Variants in BRIP1 observed in about 807,000 individuals in gnomAD.
BRIP1 encodes Fanconi anemia group J protein.
Under a neutral mutation model 119.7 loss-of-function variants are expected in BRIP1, and 88 were observed. The observed-to-expected ratio is 0.74, with a 90% CI of 0.62 to 0.88. BRIP1 has a LOEUF of 0.88. Among genes scored for constraint, BRIP1 ranks in the 40% least tolerant of loss-of-function variants. The pLI is 0.00. For missense variants in BRIP1, 1,259 were observed against 1,455.4 expected (o/e 0.87, Z 2.20); for synonymous variants, 443 against 496.5 (o/e 0.89, Z 1.43).
At chr17:61,732,542 T>A (rs968964464) in intron 16 of BRIP1, among the ~76,000 whole-genome samples, 19 of 152,204 alleles carry the variant, frequency 1.2e-4, no homozygotes, top group African/African-American at 2.9e-4. Context: ...TCTTGTTATA[T>A]GTTCCTGTTC....
chr17:61,779,257 GT>G (rs1166172906), intron 13 of BRIP1, among the ~76,000 whole-genome samples: 1 of 152,142 alleles, frequency 6.6e-6, no homozygotes, highest in Admixed American at 6.5e-5. Context: ...AGGATACACT[GT>G]AGTCTAATGG....
intron 6 of BRIP1, among the ~76,000 whole-genome samples, chr17:61,830,135 C>T (rs1158481161): frequency 3.3e-5 from 5 of 151,542 alleles, no homozygotes; most frequent in South Asian, 2.1e-4. Flanking sequence ...GGTTTTGCCA[C>T]GTTGGCCAGC....
Position 61,776,807 on chromosome 17 carries a change from GTC to G in BRIP1, c.1936-247_1936-246del, listed in dbSNP as rs1382168628. Among the ~76,000 whole-genome samples the G allele has an allele frequency of 2.0e-5, 3 of 152,142 alleles. No homozygotes were observed. The highest frequency in any genetic ancestry group is 4.8e-5 in the African/African-American group (2 of 41,426). ...TTTGAAAGCAAAACAGGTTGTACCTGTCTCTGTTTACTTAATAGCTTTGCAAA... is the reference window on the plus strand; with the variant it reads ...TTTGAAAGCAAAACAGGTTGTACCTGTCTGTTTACTTAATAGCTTTGCAAA... On this transcript the variant is annotated intron_variant, in intron 13 of 19. Coordinates refer to ENST00000259008, the MANE Select transcript of BRIP1 (RefSeq NM_032043.3). The surrounding 1 kb of genome is among the most constrained non-coding windows in gnomAD (Gnocchi z 5.0).
rs1167254014 is a variant in BRIP1, at chr17:61,706,434, A to G, written c.2492+9517T>C. ...GCTTTGTAAATTTTAACTTTTATCAAAGAAACACGAACACATAGTTTTATG... is the reference window on the plus strand; with the variant it reads ...GCTTTGTAAATTTTAACTTTTATCAGAGAAACACGAACACATAGTTTTATG... On this transcript the variant is annotated intron_variant, in intron 17 of 19. Transcript: ENST00000259008. The surrounding 1 kb of genome is among the most constrained non-coding windows in gnomAD (Gnocchi z 5.7). Among the ~76,000 whole-genome samples, 1 of 152,160 alleles carries G rather than the reference A, an allele frequency of 6.6e-6. No homozygotes were observed. The highest frequency in any genetic ancestry group is 1.5e-5 in the Non-Finnish European group (1 of 68,010).
Position 61,861,930 on chromosome 17 carries a change from G to T in BRIP1, c.-30-361C>A, listed in dbSNP as rs2078979786. On this transcript the variant is annotated intron_variant, in intron 1 of 19. Transcript: ENST00000259008. The surrounding 1 kb of genome is among the most constrained non-coding windows in gnomAD (Gnocchi z 4.5). ...CATACCAGATTAAACATGAGCTCTT[G>T]TAACAGTTAGATCAGATGTAATCAA... The T allele has an allele frequency of 1.4e-5, 4 of 284,880 alleles. No homozygotes were observed. Among genetic ancestry groups the T allele is most frequent in the Admixed American group, 4.9e-5 (1 of 20,406 alleles). 17.6% of individuals were successfully genotyped at this position (284,880 alleles called of 1,614,324 possible).
rs1292490712 is a variant in BRIP1, at chr17:61,786,710, C to A, written c.1474-2286G>T. Among the ~76,000 whole-genome samples the A allele has an allele frequency of 4.3e-5, 6 of 139,716 alleles. No homozygotes were observed. The East Asian group carries it at 1.0e-3, about 23-fold the overall frequency. 91.7% of individuals were successfully genotyped at this position (139,716 alleles called of 152,430 possible). A position where few individuals can be genotyped will look rare whatever the true frequency, so the allele number is the denominator to read the frequency against. On this transcript the variant is annotated intron_variant, in intron 10 of 19. Coordinates refer to ENST00000259008, the MANE Select transcript of BRIP1 (RefSeq NM_032043.3). ...TATTGAGCTATAATTCACATGCTTA[C>A]AATTTACCTTTTTAAAGTGAGTTCT...
In BRIP1 at chr17:61,762,765, A is replaced by G. The variant is rs2144862774; in HGVS notation, c.2097+13636T>C. On this transcript the variant is annotated intron_variant, in intron 14 of 19. Transcript: ENST00000259008. This position sits in a 1 kb window ranked among gnomAD's most constrained non-coding sequence, Gnocchi z 4.3. ...TGTGGAGAAAAGGGAAGCCTTGGACACTGTTGGTAAGAATGTAAATTAGTA... is the reference window on the plus strand; with the variant it reads ...TGTGGAGAAAAGGGAAGCCTTGGACGCTGTTGGTAAGAATGTAAATTAGTA... Among the ~76,000 whole-genome samples, 1 of 152,304 alleles carries G rather than the reference A, an allele frequency of 6.6e-6. No homozygotes were observed. The highest frequency in any genetic ancestry group is 3.4e-3 in the Middle Eastern group (1 of 294).
intron 6 of BRIP1, among the ~76,000 whole-genome samples, chr17:61,838,191 A>C (rs2078602832): frequency 6.6e-6 from 1 of 152,182 alleles, no homozygotes; most frequent in Non-Finnish European, 1.5e-5. Context: ...TATTTAAAAA[A>C]TACTGTACTC....
Position 61,683,978 on chromosome 17 carries a change from A to G in BRIP1, c.3068T>C (p.Leu1023Pro), listed in dbSNP as rs747345595. The part of the protein sequence containing the change: ...TGKIPKATPE[L>P]GSSENSASSP... Reference sequence around the variant, plus strand: ...AGAGGCACTATTCTCTGATGACCCGAGCTCAGGTGTTGCCTTCGGTATTTT... The same window carrying G: ...AGAGGCACTATTCTCTGATGACCCGGGCTCAGGTGTTGCCTTCGGTATTTT... The change falls in exon 20 of 20, where the codon CTC (leucine) becomes CCC (proline). Residue 1023 changes from leucine (L) to proline (P), a missense_variant. Around this residue, in one of 3 missense-constraint regions of BRIP1, gnomAD observed 753 missense variants for 891.8 expected, o/e 0.84. Transcript: ENST00000259008. The surrounding 1 kb of genome is among the most constrained non-coding windows in gnomAD (Gnocchi z 4.7). 2 of 1,614,158 alleles carry G rather than the reference A, an allele frequency of 1.2e-6. No individual in the cohort carries two copies. Among genetic ancestry groups the G allele is most frequent in the South Asian group, 2.2e-5 (2 of 91,080 alleles).
At position 61,828,637 on chromosome 17, in the gene BRIP1, C is replaced by G. The variant is rs2078444318; in HGVS notation, c.627+18464G>C. Among the ~76,000 whole-genome samples the G allele has an allele frequency of 1.3e-5, 2 of 151,900 alleles. No homozygotes were observed. Among genetic ancestry groups the G allele is most frequent in the Non-Finnish European group, 2.9e-5 (2 of 67,946 alleles). On this transcript the variant is annotated intron_variant, in intron 6 of 19. Coordinates refer to ENST00000259008, the MANE Select transcript of BRIP1 (RefSeq NM_032043.3). This position sits in a 1 kb window ranked among gnomAD's most constrained non-coding sequence, Gnocchi z 4.1. ...CAAATGTTAAATAAAGCTCTTTAAG[C>G]TAATAGAAAAGTTACACAATACAGA...
chr17:61,848,056 G>A lies in BRIP1; in HGVS notation c.508-836C>T, dbSNP rs977646739. On this transcript the variant is annotated intron_variant, in intron 5 of 19. Coordinates refer to ENST00000259008, the MANE Select transcript of BRIP1 (RefSeq NM_032043.3). The surrounding 1 kb of genome is among the most constrained non-coding windows in gnomAD (Gnocchi z 4.3). ...AGGCTGAATTATAGAAATTTATAAA[G>A]ACTGTAAGTGGAACAGTTAAACTAC... Among the ~76,000 whole-genome samples the A allele has an allele frequency of 2.0e-5, 3 of 152,200 alleles. No homozygotes were observed. Among genetic ancestry groups the A allele is most frequent in the Admixed American group, 2.0e-4 (3 of 15,276 alleles).
rs2078729490 is a variant in BRIP1 at position 61,846,245 on chromosome 17, A to AG, written c.627+855_627+856insC. 8.0e-6 allele frequency among the ~76,000 whole-genome samples: 1 copy of AG among 125,150 alleles called. No individual in the cohort carries two copies. The highest frequency in any genetic ancestry group is 1.5e-5 in the Non-Finnish European group (1 of 67,684). The allele number at this position is 125,150 out of a possible 152,430, so 82.1% of individuals were successfully genotyped here. A position where few individuals can be genotyped will look rare whatever the true frequency, so the allele number is the denominator to read the frequency against. On this transcript the variant is annotated intron_variant, in intron 6 of 19. Coordinates refer to ENST00000259008, the MANE Select transcript of BRIP1 (RefSeq NM_032043.3). This position sits in a 1 kb window ranked among gnomAD's most constrained non-coding sequence, Gnocchi z 4.3. ...TACATATAGAGAGAGAGAGAGAGAA[A>AG]AAGAGAGAGAGAGAGAAAGAGAGAG... is the stretch of plus-strand genomic sequence containing the variant.
rs146685420 is a variant in BRIP1, at chr17:61,732,461, G to C, written c.2379+10552C>G. Among the ~76,000 whole-genome samples the C allele has an allele frequency of 5.7e-3, 873 of 152,196 alleles. 8 individuals are homozygous for C. Among genetic ancestry groups the C allele is most frequent in the Non-Finnish European group, 5.9e-3 (402 of 68,008 alleles). On this transcript the variant is annotated intron_variant, in intron 16 of 19. Transcript: ENST00000259008. ...TCAAAGTAAATTGGTATCTGCAAGG[G>C]AGGCGAAAGGTGTTGGTCAACTTCA... is the stretch of plus-strand genomic sequence containing the variant.
rs747365105 is a variant in BRIP1, at chr17:61,744,472, C to A, written c.2217G>T (p.Leu739=). The change falls in exon 15 of 20, where the codon CTG becomes CTT. Residue 739 remains leucine (L), a synonymous_variant. Coordinates refer to ENST00000259008, the MANE Select transcript of BRIP1 (RefSeq NM_032043.3). The surrounding 1 kb of genome is among the most constrained non-coding windows in gnomAD (Gnocchi z 5.0). The part of the protein sequence containing the change: ...GGEKTNFDEL[L]QVYYDAIKYK... The stretch of plus-strand genomic sequence containing the variant: ...ATTTGATTGCGTCATAGTACACCTG[C>A]AGTAATTCATCAAAATTTGTTTTTT... The A allele has an allele frequency of 6.2e-7, 1 of 1,613,900 alleles. No individual in the cohort carries two copies. Among genetic ancestry groups the A allele is most frequent in the South Asian group, 1.1e-5 (1 of 91,074 alleles).
intron 16 of BRIP1, among the ~76,000 whole-genome samples, chr17:61,727,227 G>T (rs989854607): frequency 3.9e-5 from 6 of 152,242 alleles, no homozygotes; most frequent in Middle Eastern, 3.4e-3. Flanking sequence ...TTATATAAAG[G>T]TTCCTGGCAA....
Position 61,810,506 on chromosome 17 carries a change from T to C in BRIP1, c.628-1749A>G, listed in dbSNP as rs191048450. On this transcript the variant is annotated intron_variant, in intron 6 of 19. Coordinates refer to ENST00000259008, the MANE Select transcript of BRIP1 (RefSeq NM_032043.3). This position sits in a 1 kb window ranked among gnomAD's most constrained non-coding sequence, Gnocchi z 4.7. ...CAATTTTTTCCCTCAATTATACTAT[T>C]TCTCTTCCTTATGATACAGTTAAAT... 4.3e-4 allele frequency among the ~76,000 whole-genome samples: 66 copies of C among 152,276 alleles called. No homozygotes were observed. The highest frequency in any genetic ancestry group is 7.2e-4 in the Admixed American group (11 of 15,294).
chr17:61,688,190 A>G (rs1405065516), intron 18 of BRIP1, among the ~76,000 whole-genome samples: 1 of 152,160 alleles, frequency 6.6e-6, no homozygotes, highest in African/African-American at 2.4e-5. Context: ...AGAACAAAAG[A>G]GAGTCAGGCG....
chr17:61,791,996 C>A (rs911690194), intron 10 of BRIP1, among the ~76,000 whole-genome samples: 2 of 152,186 alleles, frequency 1.3e-5, no homozygotes, highest in Admixed American at 1.3e-4. Context: ...GAGTCCTCAG[C>A]CCCAAAGTTC....
rs768910110 is a variant in BRIP1, at chr17:61,680,480, C to CT, written c.*2815dup. Among the ~76,000 whole-genome samples the CT allele has an allele frequency of 3.9e-3, 485 of 124,040 alleles. 18 individuals carry two copies. In the East Asian group the frequency reaches 0.057, roughly 15 times the overall value. The allele number at this position is 124,040 out of a possible 152,430, so 81.4% of individuals were successfully genotyped here. On this transcript the variant is annotated 3_prime_UTR_variant, in exon 20 of 20. Coordinates refer to ENST00000259008, the MANE Select transcript of BRIP1 (RefSeq NM_032043.3). ...AGTTTACCAATTCTAAAGGTAATTTCTTTTTTTTTTTTTTTTTGAGACGGA... is the reference window on the plus strand; with the variant it reads ...AGTTTACCAATTCTAAAGGTAATTTCTTTTTTTTTTTTTTTTTTGAGACGGA...
Sources: allele counts gnomAD v4.1 joint callset (sites outside exome capture counted in the v4.1 genomes callset), GRCh38; gene constraint gnomAD v4.1.1; regional missense constraint gnomAD v4.1.1; non-coding constraint Gnocchi (gnomAD v3.1); transcripts MANE v1.5; gene names NCBI Gene and HGNC (gene_info 2026-07-23, HGNC 2026-07-21).